Variants in COL11A1 observed in about 807,000 individuals in gnomAD.
The protein encoded by COL11A1 is collagen alpha-1(XI) chain.
A neutral mutation model predicts 265.2 loss-of-function variants in COL11A1; 74 were observed. The ratio of observed to expected loss-of-function variants is 0.28; its 90% CI spans 0.23 to 0.34. The LOEUF (loss-of-function observed/expected upper bound fraction) is 0.34. Ranked by LOEUF, COL11A1 falls within the 10% of genes least tolerant of loss-of-function variation. COL11A1 has a pLI of 1.00. For synonymous variants in COL11A1, 816 were observed against 727.6 expected (o/e 1.12, Z -1.96); for missense variants, 2,165 against 2,263.6 (o/e 0.96, Z 0.88).
rs1383577071 is a variant in COL11A1 at position 102,881,680 on chromosome 1, T to A, written c.5040+17A>T. ...TGAGTTCGTGAAAAATCGTTTCATG[T>A]TGAGGTAATAACATACCAGTTTTCC... On this transcript the variant is annotated intron_variant, in intron 65 of 66. Coordinates refer to ENST00000370096, the MANE Select transcript of COL11A1 (RefSeq NM_001854.4). 1 of 1,596,062 alleles carries A rather than the reference T, an allele frequency of 6.3e-7. No individual in the cohort carries two copies. The highest frequency in any genetic ancestry group is 1.1e-5 in the South Asian group (1 of 90,716).
At chr1:103,001,361 A>C (rs2622874) in intron 24 of COL11A1, 357,154 of 396,070 alleles carry the variant, frequency 0.9, 162,598 homozygotes, top group East Asian at 0.95. Context: ...AAAGAGCCAG[A>C]TAGAAATGTG....
intron 46 of COL11A1, 52 bp from the exon 47 acceptor site, chr1:102,923,441 A>G: frequency 7.1e-7 from 1 of 1,415,004 alleles, no homozygotes; most frequent in Non-Finnish European, 9.7e-7. Context: ...CTTTAAAAAA[A>G]AAAGTTTGGT....
chr1:102,900,854 C>T (rs561887936), intron 54 of COL11A1, among the ~76,000 whole-genome samples: 1 of 152,178 alleles, frequency 6.6e-6, no homozygotes, highest in East Asian at 1.9e-4. Flanking sequence ...TGTTCTTTTT[C>T]TCATTTTTCC....
In COL11A1 at chr1:102,921,528, T is replaced by G; in HGVS notation, c.3698A>C (p.Asn1233Thr). 1 of 1,613,182 alleles carries G rather than the reference T, an allele frequency of 6.2e-7. No homozygotes were observed. Among genetic ancestry groups the G allele is most frequent in the Non-Finnish European group, 8.5e-7 (1 of 1,179,330 alleles). ...PPGPRGPQGP[N>T]GADGPQGPPG... The stretch of plus-strand genomic sequence containing the variant: ...TTTCAGAGTTCTTACATCAGCTCCA[T>G]TGGGACCTTGAGGGCCTCTTGGGCC... The change falls in exon 48 of 67, where the codon AAT (asparagine) becomes ACT (threonine). Residue 1233 changes from asparagine (N) to threonine (T), a missense_variant. Coordinates refer to ENST00000370096, the MANE Select transcript of COL11A1 (RefSeq NM_001854.4).
chr1:103,094,424 G>A (rs1577804), intron 1 of COL11A1, among the ~76,000 whole-genome samples: 1,777 of 152,172 alleles, frequency 0.012, 35 homozygotes, highest in African/African-American at 0.041. Context: ...AAACAGTGGA[G>A]GAAGGATTGG....
intron 28 of COL11A1, among the ~76,000 whole-genome samples, chr1:102,994,555 A>T (rs561276506): frequency 3.2e-4 from 49 of 152,204 alleles, no homozygotes; most frequent in Middle Eastern, 6.8e-3. Flanking sequence ...TAAGCCAATT[A>T]AACCTCTTTT....
In COL11A1 at chr1:102,968,494, C is replaced by T. The variant is rs553575456; in HGVS notation, c.2862+1725G>A. On this transcript the variant is annotated intron_variant, in intron 37 of 66. Coordinates refer to ENST00000370096, the MANE Select transcript of COL11A1 (RefSeq NM_001854.4). The stretch of plus-strand genomic sequence containing the variant: ...AATGAATGTAAGATGTCAGAACAAA[C>T]ATTTAATTAATGGATTTCTGGCTGG... 7.2e-5 allele frequency among the ~76,000 whole-genome samples: 11 copies of T among 152,226 alleles called. No individual in the cohort carries two copies. In the East Asian group the frequency reaches 2.1e-3, roughly 29 times the overall value.
At position 102,899,139 on chromosome 1, in the gene COL11A1, G is replaced by T. The variant is rs1676499; in HGVS notation, c.4087-145C>A. ...ACTATTTGGTTTAAAACATAATAACGAAAATCAAAACCCATTTTATGTACA... is the reference window on the plus strand; with the variant it reads ...ACTATTTGGTTTAAAACATAATAACTAAAATCAAAACCCATTTTATGTACA... On this transcript the variant is annotated intron_variant, in intron 54 of 66. Coordinates refer to ENST00000370096, the MANE Select transcript of COL11A1 (RefSeq NM_001854.4). The T allele has an allele frequency of 1.4e-3, 480 of 337,536 alleles. 1 individual carries two copies. The highest frequency in any genetic ancestry group is 7.2e-3 in the Admixed American group (158 of 22,048). The allele number at this position is 337,536 out of a possible 1,614,324, so 20.9% of individuals were successfully genotyped here.
chr1:103,093,039 A>C (rs533288589), intron 1 of COL11A1, among the ~76,000 whole-genome samples: 1 of 152,122 alleles, frequency 6.6e-6, no homozygotes, highest in Non-Finnish European at 1.5e-5. Flanking sequence ...CCATCACTGC[A>C]TCTATGCCAG....
intron 54 of COL11A1, among the ~76,000 whole-genome samples, chr1:102,905,193 A>T (rs937692955): frequency 7.4e-6 from 1 of 135,148 alleles, no homozygotes; most frequent in African/African-American, 2.9e-5. Context: ...TGGACACAGG[A>T]AAGGGAACAT....
intron 28 of COL11A1, among the ~76,000 whole-genome samples, chr1:102,994,979 T>C (rs973243821): frequency 3.3e-5 from 5 of 152,030 alleles, no homozygotes; most frequent in Admixed American, 2.0e-4. Flanking sequence ...CAGGCACTTA[T>C]CAAACAACCA....
At chr1:103,076,662 C>G (rs1013026875) in intron 3 of COL11A1, among the ~76,000 whole-genome samples, 8 of 152,108 alleles carry the variant, frequency 5.3e-5, no homozygotes, top group African/African-American at 1.9e-4. Flanking sequence ...TGAGTGAAAC[C>G]TCATGTTTTA....
At chr1:103,008,368 A>G in intron 15 of COL11A1, 95 bp downstream of exon 15, 1 of 1,016,668 alleles carries the variant, frequency 9.8e-7, no homozygotes, top group Non-Finnish European at 1.5e-6. Context: ...CTACTCAGGA[A>G]CAAAAAAAAA....
At chr1:102,972,922 G>A (rs539922958) in intron 36 of COL11A1, among the ~76,000 whole-genome samples, 4 of 151,758 alleles carry the variant, frequency 2.6e-5, no homozygotes, top group Non-Finnish European at 4.4e-5. Context: ...TGCCGATATG[G>A]GCATGATATT....
chr1:102,984,780 A>C (rs1663378456), intron 30 of COL11A1, among the ~76,000 whole-genome samples: 1 of 152,018 alleles, frequency 6.6e-6, no homozygotes, highest in Admixed American at 6.6e-5. Context: ...TAATAAATAT[A>C]ATATGTGTTG....
At chr1:102,897,911 G>T (rs1652646962) in intron 57 of COL11A1, among the ~76,000 whole-genome samples, 1 of 152,086 alleles carries the variant, frequency 6.6e-6, no homozygotes, top group South Asian at 2.1e-4. Flanking sequence ...CATCCAAAGT[G>T]CATAAGAAAG....
chr1:102,986,181 T>C (rs1403055474), intron 30 of COL11A1, among the ~76,000 whole-genome samples: 5 of 151,876 alleles, frequency 3.3e-5, no homozygotes, highest in Non-Finnish European at 5.9e-5. Context: ...TCAACAATGA[T>C]AGACTGGATT....
At chr1:102,947,506 G>T (rs1027884889) in intron 41 of COL11A1, among the ~76,000 whole-genome samples, 1 of 151,928 alleles carries the variant, frequency 6.6e-6, no homozygotes, top group Non-Finnish European at 1.5e-5. Context: ...AAGTCTGGAC[G>T]TTTTCCCAAA....
chr1:103,084,659 T>C (rs1244997934), intron 1 of COL11A1, among the ~76,000 whole-genome samples: 1 of 151,878 alleles, frequency 6.6e-6, no homozygotes, highest in Non-Finnish European at 1.5e-5. Context: ...TAATTACATA[T>C]ATATTTAAGT....
Sources: allele counts gnomAD v4.1 joint callset (sites outside exome capture counted in the v4.1 genomes callset), GRCh38; gene constraint gnomAD v4.1.1; transcripts MANE v1.5; gene names NCBI Gene and HGNC (gene_info 2026-07-23, HGNC 2026-07-21).